CHD6: variants seen among roughly 807,000 people sequenced by gnomAD.
The protein encoded by CHD6 is ATP-dependent chromatin remodeler CHD6.
A neutral mutation model predicts 276.9 loss-of-function variants in CHD6; 50 were observed. The observed-to-expected ratio is 0.18, with a 90% CI of 0.14 to 0.23. CHD6 has a LOEUF of 0.23. CHD6 is among the 10% of genes least tolerant of loss of function. CHD6 has a pLI of 1.00. For missense variants in CHD6, 2,564 were observed against 3,365.8 expected, an observed-to-expected ratio of 0.76 and a Z score of 5.89; for synonymous variants, 1,173 against 1,229.3, an observed-to-expected ratio of 0.95 and a Z score of 0.96.
At chr20:41,540,396 G>A (rs1445208687) in intron 2 of CHD6, among the ~76,000 whole-genome samples, 1 of 152,170 alleles carries the variant, frequency 6.6e-6, no homozygotes, top group Non-Finnish European at 1.5e-5. Flanking sequence ...TTTCAATAAT[G>A]AGAATGTATT....
Position 41,417,285 on chromosome 20 carries a change from A to C in CHD6, c.6192T>G (p.Ile2064Met). 6.2e-7 allele frequency: 1 copy of C among 1,614,090 alleles called. No individual in the cohort carries two copies. The highest frequency in any genetic ancestry group is 8.5e-7 in the Non-Finnish European group (1 of 1,179,994). Residue 2064 changes from isoleucine to methionine, a missense_variant, in exon 32 of 37, where the codon ATT becomes ATG. By Grantham distance (10) the Ile-to-Met change is conservative. Around this residue, in one of 7 missense-constraint regions of CHD6, gnomAD observed 1,024 missense variants for 1,047.9 expected, o/e 0.98. Coordinates refer to ENST00000373233, the MANE Select transcript of CHD6 (RefSeq NM_032221.5). The part of the protein sequence containing the change: ...KSSTSGITGD[I>M]GDELQEARAP... ...CTCGAGCCTCCTGTAGCTCATCCCC[A>C]ATGTCTCCTGTGATGCCCGATGTTG... is the stretch of plus-strand genomic sequence containing the variant.
In CHD6 at chr20:41,491,913, C is replaced by A. The variant is rs567521696; in HGVS notation, c.1315-94G>T. The A allele has an allele frequency of 5.0e-6, 7 of 1,399,526 alleles. No homozygotes were observed. In the South Asian group the frequency reaches 6.1e-5, roughly 12 times the overall value. The allele number at this position is 1,399,526 out of a possible 1,614,324, so 86.7% of individuals were successfully genotyped here. A position where few individuals can be genotyped will look rare whatever the true frequency, so the allele number is the denominator to read the frequency against. ...GAGGACAGTGGTAAATCTCACTGTC[C>A]CAAGGCTGGTTTCAAACTATAGTTA... On this transcript the variant is annotated intron_variant, in intron 10 of 36. Transcript: ENST00000373233.
At chr20:41,409,282 G>A (rs1013766087) in intron 36 of CHD6, among the ~76,000 whole-genome samples, 1 of 152,190 alleles carries the variant, frequency 6.6e-6, no homozygotes, top group Non-Finnish European at 1.5e-5. Flanking sequence ...CGGCCAGGCG[G>A]GCTTTGGCAG....
chr20:41,521,351 TGAAACTATTTCAGATGTG>T (rs2044389324), intron 3 of CHD6, among the ~76,000 whole-genome samples: 2 of 152,292 alleles, frequency 1.3e-5, no homozygotes, highest in East Asian at 3.9e-4. Flanking sequence ...GAAGTGACTC[TGAAACTATTTCAGATGTG>T]GCATAGGATT....
intron 33 of CHD6, 40 bp downstream of exon 33, chr20:41,416,548 C>T (rs1270702120): frequency 2.6e-6 from 4 of 1,553,434 alleles, no homozygotes; most frequent in Non-Finnish European, 3.5e-6. Flanking sequence ...ACACGCCCAC[C>T]ATTCTTTGTT....
rs947591904 is a variant in CHD6, at chr20:41,552,116, T to C, written c.-23-756A>G. Among the ~76,000 whole-genome samples, 3 of 152,174 alleles carry C rather than the reference T, an allele frequency of 2.0e-5. No individual in the cohort carries two copies. In the East Asian group the frequency reaches 5.8e-4, roughly 29 times the overall value. ...AACCCTAGTCTAGGAAACCCAGAAT[T>C]TGGGGCTGCCTGCATCACTAACTAG... On this transcript the variant is annotated intron_variant, in intron 1 of 36. Transcript: ENST00000373233.
chr20:41,434,776 G>A (rs2047655295), intron 27 of CHD6, among the ~76,000 whole-genome samples: 1 of 152,144 alleles, frequency 6.6e-6, no homozygotes, highest in Non-Finnish European at 1.5e-5. Context: ...AATTATAGTT[G>A]GAGGCTTCAA....
intron 2 of CHD6, among the ~76,000 whole-genome samples, chr20:41,543,029 G>C (rs1299011875): frequency 6.6e-6 from 1 of 151,506 alleles, no homozygotes; most frequent in Non-Finnish European, 1.5e-5. Context: ...GCTTGATTCC[G>C]GGAGGTGGAG....
chr20:41,524,102 A>T (rs1473060159), intron 3 of CHD6, among the ~76,000 whole-genome samples: 1 of 152,212 alleles, frequency 6.6e-6, no homozygotes, highest in Non-Finnish European at 1.5e-5. Context: ...ACAATGCTTC[A>T]GAGAAGCTTC....
chr20:41,585,754 C>T (rs74273568), intron 1 of CHD6, among the ~76,000 whole-genome samples: 4,034 of 152,170 alleles, frequency 0.027, 194 homozygotes, highest in East Asian at 0.16. Context: ...TGACATCAAA[C>T]GCAGCAAATA....
chr20:41,520,241 A>G (rs1009927348), intron 3 of CHD6, among the ~76,000 whole-genome samples: 9 of 152,212 alleles, frequency 5.9e-5, no homozygotes, highest in African/African-American at 2.2e-4. Flanking sequence ...AACTAGTTCA[A>G]CCATTGTGGA....
chr20:41,589,691 A>T (rs1223543874), intron 1 of CHD6, among the ~76,000 whole-genome samples: 1 of 152,264 alleles, frequency 6.6e-6, no homozygotes, highest in Non-Finnish European at 1.5e-5. Context: ...AAGGAGAACT[A>T]CAAATCACTG....
intron 36 of CHD6, among the ~76,000 whole-genome samples, chr20:41,406,746 TTC>T (rs1449410908): frequency 6.6e-6 from 1 of 152,172 alleles, no homozygotes; most frequent in African/African-American, 2.4e-5. Context: ...CTGCATGCCT[TTC>T]TCTCTCTCGA....
In CHD6 at chr20:41,447,853, G is replaced by A. The variant is rs761757379; in HGVS notation, c.3773+29C>T. The A allele has an allele frequency of 1.1e-5, 16 of 1,507,724 alleles. No individual in the cohort carries two copies. The East Asian group carries it at 2.3e-4, about 21-fold the overall frequency. 93.4% of individuals were successfully genotyped at this position (1,507,724 alleles called of 1,614,324 possible). ...AGGCATTTTATGTCAATTCTTTAAC[G>A]TTGATATGTTAAGTTTCATTTGCTT... On this transcript the variant is annotated intron_variant, in intron 24 of 36. Coordinates refer to ENST00000373233, the MANE Select transcript of CHD6 (RefSeq NM_032221.5).
intron 27 of CHD6, among the ~76,000 whole-genome samples, chr20:41,430,446 T>C (rs2047501925): frequency 6.6e-6 from 1 of 152,226 alleles, no homozygotes; most frequent in Non-Finnish European, 1.5e-5. Context: ...TTTCAGAGGC[T>C]GGCCTCTTCA....
chr20:41,421,696 G>C lies in CHD6; in HGVS notation c.4939C>G (p.Gln1647Glu). ...SKLYESLTYS[Q>E]MSRTSESLEN... ...AGGGACTCTGAAGTCCTACTCATTT[G>C]AGAATATGTAAGAGATTCATATAAC... The change falls in exon 31 of 37, where the codon CAA becomes GAA. Residue 1647 changes from glutamine to glutamate, a missense_variant. This residue lies in a region of CHD6 where 1,024 missense variants were observed against 1,047.9 expected (regional missense o/e 0.98). Transcript: ENST00000373233. 6.2e-7 allele frequency: 1 copy of C among 1,613,898 alleles called. No individual in the cohort carries two copies. The highest frequency in any genetic ancestry group is 1.1e-5 in the South Asian group (1 of 91,036).
At chr20:41,446,663 G>C (rs575480711) in intron 24 of CHD6, among the ~76,000 whole-genome samples, 1 of 152,322 alleles carries the variant, frequency 6.6e-6, no homozygotes, top group African/African-American at 2.4e-5. Context: ...TGTGGGGATA[G>C]TGTTTCCTGA....
Position 41,473,645 on chromosome 20 carries a change from G to C in CHD6, c.2469-128C>G, listed in dbSNP as rs577129467. 6.2e-5 allele frequency: 45 copies of C among 726,482 alleles called. No individual in the cohort carries two copies. The East Asian group carries it at 1.2e-3, about 19-fold the overall frequency. 45.0% of individuals were successfully genotyped at this position (726,482 alleles called of 1,614,324 possible). On this transcript the variant is annotated intron_variant, in intron 16 of 36. Transcript: ENST00000373233. This position sits in a 1 kb window ranked among gnomAD's most constrained non-coding sequence, Gnocchi z 4.1. ...ACTTCTAAATTTGGACCAAATGACAGCAGTCTAGAAGGAATCCTGCCCCCT... is the reference window on the plus strand; with the variant it reads ...ACTTCTAAATTTGGACCAAATGACACCAGTCTAGAAGGAATCCTGCCCCCT...
Position 41,415,323 on chromosome 20 carries a change from C to G in CHD6, c.6802G>C (p.Val2268Leu). 1 of 1,614,180 alleles carries G rather than the reference C, an allele frequency of 6.2e-7. No individual in the cohort carries two copies. The highest frequency in any genetic ancestry group is 8.5e-7 in the Non-Finnish European group (1 of 1,180,034). The stretch of plus-strand genomic sequence containing the variant: ...CTTCCATTGACAATCTGTCCAGTCA[C>G]AGGATGGATCAGGCCAGCTTGCAGA... ...GILQAGLIHP[V>L]TGQIVNGSLR... Residue 2268 changes from valine to leucine, a missense_variant, in exon 34 of 37, where the codon GTG becomes CTG. Val to Leu is a conservative substitution (Grantham distance 32). Transcript: ENST00000373233.
Sources: gnomAD v4.1 joint callset for allele counts (sites outside exome capture counted in the v4.1 genomes callset) on GRCh38, gnomAD v4.1.1 for gene constraint, gnomAD v4.1.1 regional missense constraint, Gnocchi (gnomAD v3.1) non-coding constraint, MANE v1.5 for transcripts, NCBI Gene and HGNC (gene_info 2026-07-23, HGNC 2026-07-21) for gene names.